Variants in ASB16 observed in about 807,000 individuals in gnomAD.
The protein encoded by ASB16 is ankyrin repeat and SOCS box containing 16.
A neutral mutation model predicts 39.1 loss-of-function variants in ASB16; 44 were observed. That is an observed-to-expected ratio of 1.13 (90% CI 0.88 to 1.45). ASB16 has a LOEUF of 1.45. ASB16 is among the 40% of genes most tolerant of loss of function. The probability of loss-of-function intolerance (pLI) is 0.00; values close to 1 mark genes in which losing one functional copy is unlikely to be tolerated. For missense variants in ASB16, 698 were observed against 634.5 expected (o/e 1.10, Z -1.07); for synonymous variants, 305 against 286.7 (o/e 1.06, Z -0.64).
chr17:44,177,884 G>T, intron 4 of ASB16, 162 bp downstream of exon 4: 1 of 973,878 alleles, frequency 1.0e-6, no homozygotes, highest in Non-Finnish European at 1.5e-6. Flanking sequence ...GGTACCCCAG[G>T]CTGACCCCTA....
In ASB16 at chr17:44,170,931, C is replaced by G; in HGVS notation, c.142C>G (p.Arg48Gly). The change falls in exon 1 of 5, where the codon CGA (arginine) becomes GGA (glycine). Residue 48 changes from arginine (R) to glycine (G), a missense_variant. Physicochemically the swap from Arg to Gly is moderately radical, Grantham distance 125. Coordinates refer to ENST00000293414, the MANE Select transcript of ASB16 (RefSeq NM_080863.5). ...SRRCPSSPRA[R>G]LTRPHRSCRD... Reference sequence around the variant, plus strand: ...CAGGTGCCCGTCAAGTCCCCGGGCCCGACTCACTAGGCCTCACCGTTCCTG... The same window carrying G: ...CAGGTGCCCGTCAAGTCCCCGGGCCGGACTCACTAGGCCTCACCGTTCCTG... 2 of 1,613,290 alleles carry G rather than the reference C, an allele frequency of 1.2e-6. No individual in the cohort carries two copies. Among genetic ancestry groups the G allele is most frequent in the Non-Finnish European group, 8.5e-7 (1 of 1,179,938 alleles).
Position 44,170,803 on chromosome 17 carries a change from C to T in ASB16, c.14C>T (p.Thr5Ile), listed in dbSNP as rs762817455. The change falls in exon 1 of 5, where the codon ACC becomes ATC. Residue 5 changes from threonine to isoleucine, a missense_variant. By Grantham distance (89) the Thr-to-Ile change is moderately conservative. Coordinates refer to ENST00000293414, the MANE Select transcript of ASB16 (RefSeq NM_080863.5). ...TGGGCCCCATCCATGGCAAGAGAGA[C>T]CTTCCCCTTCACCTCCTCCATGCTG... is the stretch of plus-strand genomic sequence containing the variant. The part of the protein sequence containing the change: MARE[T>I]FPFTSSMLRS... 1 of 1,600,920 alleles carries T rather than the reference C, an allele frequency of 6.2e-7. No homozygotes were observed. Among genetic ancestry groups the T allele is most frequent in the Non-Finnish European group, 8.5e-7 (1 of 1,173,384 alleles).
intron 4 of ASB16, 115 bp downstream of exon 4, chr17:44,177,837 G>A (rs1002572892): frequency 7.0e-7 from 1 of 1,438,630 alleles, no homozygotes; most frequent in African/African-American, 1.5e-5. Context: ...AGGATGGGTA[G>A]AGTGGCACCC....
chr17:44,170,897 C>T lies in ASB16; in HGVS notation c.108C>T (p.Cys36=). 2 of 1,611,914 alleles carry T rather than the reference C, an allele frequency of 1.2e-6. No homozygotes were observed. Among genetic ancestry groups the T allele is most frequent in the Non-Finnish European group, 1.7e-6 (2 of 1,179,692 alleles). The part of the protein sequence containing the change: ...EDRRRAAAQQ[C]RSRRCPSSPR... The stretch of plus-strand genomic sequence containing the variant: ...GGCGGCGGGCGGCTGCCCAGCAGTG[C>T]CGGAGCCGCAGGTGCCCGTCAAGTC... Residue 36 remains cysteine, a synonymous_variant, in exon 1 of 5, where the codon TGC becomes TGT. Transcript: ENST00000293414.
chr17:44,175,182 G>A (rs898439887), intron 2 of ASB16, among the ~76,000 whole-genome samples: 4 of 150,312 alleles, frequency 2.7e-5, no homozygotes, highest in Admixed American at 6.7e-5. Context: ...GGTGGATCAC[G>A]AGGTCAGGAG....
Position 44,177,619 on chromosome 17 carries a change from A to G in ASB16, c.1073A>G (p.His358Arg), listed in dbSNP as rs2054317971. The stretch of plus-strand genomic sequence containing the variant: ...TCTTTTGACCCCTAGATGCTGAAAC[A>G]CTGCGCCAACTTCCCTCGGGCCCTG... ...AQPVRPEMLK[H>R]CANFPRALEV... Residue 358 changes from histidine (H) to arginine (R), a missense_variant, in exon 4 of 5, where the codon CAC becomes CGC. His to Arg is a conservative substitution (Grantham distance 29). Coordinates refer to ENST00000293414, the MANE Select transcript of ASB16 (RefSeq NM_080863.5). The G allele has an allele frequency of 1.2e-6, 2 of 1,613,766 alleles. No homozygotes were observed.
chr17:44,174,418 G>C (rs574578169), intron 2 of ASB16, among the ~76,000 whole-genome samples: 51 of 152,070 alleles, frequency 3.4e-4, no homozygotes, highest in African/African-American at 1.2e-3. Context: ...GCTGGTCTCC[G>C]ACTCCTGAGC....
intron 2 of ASB16, chr17:44,176,386 G>A (rs2054290377): frequency 1.6e-5 from 5 of 305,494 alleles, no homozygotes; most frequent in South Asian, 1.4e-4. Context: ...GGAGACAACT[G>A]ACAACTGAAT....
intron 2 of ASB16, among the ~76,000 whole-genome samples, chr17:44,173,629 AC>A (rs139101453): frequency 0.022 from 3,347 of 152,136 alleles, 59 homozygotes; most frequent in Non-Finnish European, 0.034. Flanking sequence ...GAAGTTCAAG[AC>A]CAGACTGGGA....
At chr17:44,175,075 C>T (rs558986420) in intron 2 of ASB16, among the ~76,000 whole-genome samples, 1 of 144,392 alleles carries the variant, frequency 6.9e-6, no homozygotes. Context: ...GCACTCCAGC[C>T]TGGGCGACAG....
chr17:44,177,742 G>A lies in ASB16; in HGVS notation c.1176+20G>A, dbSNP rs1031740215. 3.1e-6 allele frequency: 5 copies of A among 1,609,440 alleles called. No individual in the cohort carries two copies. The East Asian group carries it at 8.9e-5, about 29-fold the overall frequency. ...TGGAAGGTATGTTTGCCTCAGGGCC[G>A]AGATGGGGAGGAGGGACGAGCCACA... On this transcript the variant is annotated intron_variant, in intron 4 of 4. Transcript: ENST00000293414.
chr17:44,174,901 A>C (rs1032970795), intron 2 of ASB16, among the ~76,000 whole-genome samples: 1 of 151,634 alleles, frequency 6.6e-6, no homozygotes, highest in Non-Finnish European at 1.5e-5. Context: ...CAGGAGATCA[A>C]GACCATCCTG....
In ASB16 at chr17:44,176,871, G is replaced by A. The variant is rs764652045; in HGVS notation, c.703G>A (p.Asp235Asn). 2.4e-5 allele frequency: 38 copies of A among 1,607,186 alleles called. No homozygotes were observed. The highest frequency in any genetic ancestry group is 3.1e-5 in the Non-Finnish European group (36 of 1,178,334). The change falls in exon 3 of 5, where the codon GAC becomes AAC. Residue 235 changes from aspartate to asparagine, a missense_variant. By Grantham distance (23) the Asp-to-Asn change is conservative (BLOSUM62 1). Coordinates refer to ENST00000293414, the MANE Select transcript of ASB16 (RefSeq NM_080863.5). ...GGCTCTGTACCTGGAGCATGGCGCC[G>A]ACGTGGGCCTGCGCACCAGCCAGGG... is the stretch of plus-strand genomic sequence containing the variant. ...HVALYLEHGADVGLRTSQGET... is the reference protein window; with the variant it reads ...HVALYLEHGANVGLRTSQGET...
intron 2 of ASB16, among the ~76,000 whole-genome samples, chr17:44,173,573 G>C (rs2054260529): frequency 7.1e-6 from 1 of 141,672 alleles, no homozygotes; most frequent in African/African-American, 2.6e-5. Context: ...TGAGCCTCTA[G>C]TCCTAGCTAC....
intron 2 of ASB16, among the ~76,000 whole-genome samples, chr17:44,174,715 T>C (rs1226720297): frequency 6.6e-6 from 1 of 152,190 alleles, no homozygotes; most frequent in Non-Finnish European, 1.5e-5. Context: ...TACAGGCATG[T>C]GGTGTGCCTT....
At position 44,172,279 on chromosome 17, in the gene ASB16, C is replaced by G; in HGVS notation, c.535C>G (p.Pro179Ala). The G allele has an allele frequency of 6.2e-7, 1 of 1,613,558 alleles. No individual in the cohort carries two copies. The highest frequency in any genetic ancestry group is 8.5e-7 in the Non-Finnish European group (1 of 1,180,036). Residue 179 changes from proline to alanine, a missense_variant, in exon 2 of 5, where the codon CCT becomes GCT. Pro to Ala is a conservative substitution (Grantham distance 27, BLOSUM62 -1). Transcript: ENST00000293414. ...TGTGCTGACTGAGGAGGGCACGACT[C>G]CTTTGCACCTCTGCACGATCCCCGA... Reference protein sequence around the residue: ...ANVLTEEGTTPLHLCTIPESL... With the variant: ...ANVLTEEGTTALHLCTIPESL...
chr17:44,175,326 C>T (rs1369102134), intron 2 of ASB16, among the ~76,000 whole-genome samples: 3 of 147,510 alleles, frequency 2.0e-5, no homozygotes, highest in Non-Finnish European at 3.0e-5. Flanking sequence ...GGCAGGAACC[C>T]GGGAGGCGGA....
chr17:44,177,139 C>G lies in ASB16; in HGVS notation c.971C>G (p.Ala324Gly), dbSNP rs1020205692. ...NGAGHTPMDC[A>G]LQAVQDSPNW... is the part of the protein sequence containing the mutation. ...GCGGGCCACACGCCCATGGACTGTG[C>G]GCTGCAGGCCGTCCAGGACTCCCCC... The change falls in exon 3 of 5, where the codon GCG becomes GGG. Residue 324 changes from alanine to glycine, a missense_variant. Ala to Gly is a moderately conservative substitution (Grantham distance 60). Transcript: ENST00000293414. 17 of 1,514,462 alleles carry G rather than the reference C, an allele frequency of 1.1e-5. No individual in the cohort carries two copies. Among genetic ancestry groups the G allele is most frequent in the Non-Finnish European group, 1.4e-5 (16 of 1,134,908 alleles). 93.8% of individuals were successfully genotyped at this position (1,514,462 alleles called of 1,614,324 possible). A position where few individuals can be genotyped will look rare whatever the true frequency, so the allele number is the denominator to read the frequency against.
At position 44,177,219 on chromosome 17, in the gene ASB16, G is replaced by C; in HGVS notation, c.1051G>C (p.Val351Leu). The C allele has an allele frequency of 6.5e-7, 1 of 1,540,986 alleles. No homozygotes were observed. The highest frequency in any genetic ancestry group is 8.7e-7 in the Non-Finnish European group (1 of 1,143,846). The change falls in exon 3 of 5, where the codon GTG (valine) becomes CTG (leucine). Residue 351 changes from valine (V) to leucine (L), a missense_variant. Val to Leu is a conservative substitution (Grantham distance 32). Coordinates refer to ENST00000293414, the MANE Select transcript of ASB16 (RefSeq NM_080863.5). ...AALLDYGAQPVRPEMLKHCAN... is the reference protein window; with the variant it reads ...AALLDYGAQPLRPEMLKHCAN... ...ACTGCTGGACTACGGGGCGCAGCCA[G>C]TGCGCCCTGAGGTGCGCTGGGAGGC... is the stretch of plus-strand genomic sequence containing the variant.
Sources: allele counts gnomAD v4.1 joint callset (sites outside exome capture counted in the v4.1 genomes callset), GRCh38; gene constraint gnomAD v4.1.1; transcripts MANE v1.5; gene names NCBI Gene and HGNC (gene_info 2026-07-23, HGNC 2026-07-21).